The following ATF6 variants were observed in gnomAD, a reference collection of about 807,000 sequenced individuals.
ATF6 encodes the protein activating transcription factor 6, also known as cyclic AMP-dependent transcription factor ATF-6 alpha.
ATF6 carries 53 observed loss-of-function variants against 83.6 expected under a neutral mutation model. The ratio of observed to expected loss-of-function variants is 0.63; its 90% confidence interval spans 0.51 to 0.80. The LOEUF (loss-of-function observed/expected upper bound fraction) is 0.80, where lower values mean the gene tolerates loss of function less well. ATF6 is among the 30% of genes least tolerant of loss of function. The pLI is 0.00. For synonymous variants in ATF6, 288 were observed against 285.8 expected, an observed-to-expected ratio of 1.01 and a Z score of -0.08; for missense variants, 744 against 797.9, an observed-to-expected ratio of 0.93 and a Z score of 0.81.
At position 161,846,537 on chromosome 1, in the gene ATF6, G is replaced by A; in HGVS notation, c.1276G>A (p.Ala426Thr). ...CCTTCTAGGATTTTCTGCTAAAGAG[G>A]CACAGGACACATCAGATGGTATTAT... ...RHLLGFSAKE[A>T]QDTSDGIIQK... Residue 426 changes from alanine to threonine, a missense_variant, in exon 10 of 16, where the codon GCA becomes ACA. Coordinates refer to ENST00000367942, the MANE Select transcript of ATF6 (RefSeq NM_007348.4). 1 of 1,611,402 alleles carries A rather than the reference G, an allele frequency of 6.2e-7. No individual in the cohort carries two copies. The highest frequency in any genetic ancestry group is 8.5e-7 in the Non-Finnish European group (1 of 1,178,306).
At chr1:161,834,741 G>A (rs1379672397) in intron 9 of ATF6, among the ~76,000 whole-genome samples, 6 of 151,930 alleles carry the variant, frequency 3.9e-5, no homozygotes, top group Non-Finnish European at 7.4e-5. Context: ...AAACCTGCAC[G>A]TTGTGCACAT....
chr1:161,818,202 A>G (rs968448486), intron 7 of ATF6, among the ~76,000 whole-genome samples: 4 of 152,074 alleles, frequency 2.6e-5, no homozygotes, highest in African/African-American at 9.7e-5. Flanking sequence ...TTTAAAGTCC[A>G]TTGCAAAATA....
At chr1:161,936,212 G>A (rs1688533074) in intron 15 of ATF6, among the ~76,000 whole-genome samples, 1 of 152,318 alleles carries the variant, frequency 6.6e-6, no homozygotes, top group South Asian at 2.1e-4. Flanking sequence ...CACAACCTTA[G>A]TTGGCATGAA....
At chr1:161,772,127 C>T (rs1432783748) in intron 1 of ATF6, among the ~76,000 whole-genome samples, 1 of 152,214 alleles carries the variant, frequency 6.6e-6, no homozygotes, top group Non-Finnish European at 1.5e-5. Flanking sequence ...CAGTGTCTCT[C>T]ATTCTCTTCA....
intron 5 of ATF6, 47 bp downstream of exon 5, chr1:161,791,584 C>T (rs1684883014): frequency 1.3e-6 from 2 of 1,537,210 alleles, no homozygotes; most frequent in African/African-American, 1.4e-5. Flanking sequence ...TCAGATTGAG[C>T]TTAGGTTCCA....
At chr1:161,770,446 G>A (rs922772216) in intron 1 of ATF6, among the ~76,000 whole-genome samples, 2 of 152,122 alleles carry the variant, frequency 1.3e-5, no homozygotes, top group Admixed American at 6.5e-5. Flanking sequence ...CAAGATGGCC[G>A]CACCTTCAGG....
chr1:161,783,958 A>G (rs371894296), intron 3 of ATF6, 32 bp from the exon 4 acceptor site: 2 of 1,378,590 alleles, frequency 1.5e-6, no homozygotes, highest in Non-Finnish European at 2.1e-6. Context: ...TTTATTGTCC[A>G]GTGGGTAAAA....
chr1:161,836,174 C>G (rs555350565), intron 9 of ATF6, among the ~76,000 whole-genome samples: 1 of 152,296 alleles, frequency 6.6e-6, no homozygotes, highest in East Asian at 1.9e-4. Context: ...TTCCAGCATT[C>G]TCTGAGTTTG....
intron 7 of ATF6, among the ~76,000 whole-genome samples, chr1:161,806,361 A>T (rs1253469096): frequency 1.3e-5 from 2 of 152,226 alleles, no homozygotes; most frequent in Non-Finnish European, 2.9e-5. Flanking sequence ...ACTTTATGAA[A>T]CATTACTGCC....
In ATF6 at chr1:161,791,371, A is replaced by AT; in HGVS notation, c.355-35dup. Reference sequence around the variant, plus strand: ...TTTCTATGCAATTTGCTGCTTAAGGATTATACTCATTAATTTTTGTTTTTA... The same window carrying AT: ...TTTCTATGCAATTTGCTGCTTAAGGATTTATACTCATTAATTTTTGTTTTTA... On this transcript the variant is annotated intron_variant, in intron 4 of 15. Coordinates refer to ENST00000367942, the MANE Select transcript of ATF6 (RefSeq NM_007348.4). 2.5e-6 allele frequency: 4 copies of AT among 1,574,160 alleles called. No homozygotes were observed. In the South Asian group the frequency reaches 4.7e-5, roughly 18 times the overall value.
chr1:161,947,640 GAAA>G (rs1363575160), intron 15 of ATF6, among the ~76,000 whole-genome samples: 1 of 151,618 alleles, frequency 6.6e-6, no homozygotes, highest in Non-Finnish European at 1.5e-5. Context: ...AATAATTTCT[GAAA>G]AAAAGAAGCA....
chr1:161,773,518 G>A (rs928130765), intron 1 of ATF6, among the ~76,000 whole-genome samples: 5 of 152,002 alleles, frequency 3.3e-5, no homozygotes, highest in African/African-American at 9.7e-5. Flanking sequence ...CACCCGCCTC[G>A]GCCTTCCAAA....
At chr1:161,944,674 C>T (rs536688977) in intron 15 of ATF6, among the ~76,000 whole-genome samples, 2 of 152,360 alleles carry the variant, frequency 1.3e-5, no homozygotes, top group East Asian at 3.9e-4. Flanking sequence ...CTTCTAATCT[C>T]ATGCAGCCTC....
intron 7 of ATF6, among the ~76,000 whole-genome samples, chr1:161,810,014 C>T: frequency 6.6e-6 from 1 of 152,044 alleles, no homozygotes; most frequent in East Asian, 1.9e-4. Context: ...AAGGTATGTA[C>T]TTGTTCAGTT....
At chr1:161,918,850 A>G (rs1369459207) in intron 15 of ATF6, among the ~76,000 whole-genome samples, 1 of 152,186 alleles carries the variant, frequency 6.6e-6, no homozygotes, top group Non-Finnish European at 1.5e-5. Context: ...TTATTGAGCA[A>G]CTGGTTTATG....
At chr1:161,819,890 T>C (rs1243873251) in intron 8 of ATF6, 72 bp downstream of exon 8, 2 of 1,301,036 alleles carry the variant, frequency 1.5e-6, no homozygotes, top group Non-Finnish European at 2.0e-6. Flanking sequence ...GAGAAACTTT[T>C]ACATTTTAAA....
chr1:161,845,147 A>G (rs1386882132), intron 9 of ATF6, among the ~76,000 whole-genome samples: 2 of 152,208 alleles, frequency 1.3e-5, no homozygotes, highest in Non-Finnish European at 2.9e-5. Flanking sequence ...TTAAGGGATC[A>G]GAAAAATATT....
At chr1:161,838,614 G>A (rs1233030992) in intron 9 of ATF6, among the ~76,000 whole-genome samples, 4 of 152,162 alleles carry the variant, frequency 2.6e-5, no homozygotes, top group African/African-American at 9.7e-5. Context: ...CTCCACAGCT[G>A]CATGGGTTTC....
At chr1:161,778,155 T>G in intron 1 of ATF6, 89 bp from the exon 2 acceptor site, 1 of 1,009,798 alleles carries the variant, frequency 9.9e-7, no homozygotes, top group South Asian at 1.4e-5. Context: ...TGAGAAACCT[T>G]AATAGAGGTG....
Sources: allele counts gnomAD v4.1 joint callset (sites outside exome capture counted in the v4.1 genomes callset), GRCh38; gene constraint gnomAD v4.1.1; transcripts MANE v1.5; gene names NCBI Gene and HGNC (gene_info 2026-07-23, HGNC 2026-07-21).